TRIM67: variants seen among roughly 807,000 people sequenced by gnomAD.
The protein encoded by TRIM67 is tripartite motif containing 67.
Under a neutral mutation model 71.0 loss-of-function variants are expected in TRIM67, and 39 were observed. That is an observed-to-expected ratio of 0.55 (90% CI 0.43 to 0.72). TRIM67 has a LOEUF of 0.72. Ranked by LOEUF, TRIM67 falls within the 30% of genes least tolerant of loss-of-function variation. The pLI is 0.00. For missense variants in TRIM67, 973 were observed against 1,079.2 expected (o/e 0.90, Z 1.38); for synonymous variants, 481 against 473.9 (o/e 1.01, Z -0.19).
intron 1 of TRIM67, among the ~76,000 whole-genome samples, chr1:231,179,491 G>A (rs930780426): frequency 3.3e-5 from 5 of 152,176 alleles, no homozygotes; most frequent in Admixed American, 1.3e-4. Flanking sequence ...TATAACACAC[G>A]AAAACATTAA....
chr1:231,211,943 T>A (rs1683884178), intron 8 of TRIM67, among the ~76,000 whole-genome samples: 1 of 152,182 alleles, frequency 6.6e-6, no homozygotes, highest in South Asian at 2.1e-4. Context: ...GGGCATGGTG[T>A]GTGCCTGTAG....
chr1:231,166,470 A>G (rs895521933), intron 1 of TRIM67, among the ~76,000 whole-genome samples: 10 of 152,226 alleles, frequency 6.6e-5, no homozygotes, highest in Non-Finnish European at 1.5e-4. Context: ...CTTTTGAAAG[A>G]CAAACTAGAA....
chr1:231,215,279 A>G, intron 9 of TRIM67, 96 bp from the exon 10 acceptor site: 2 of 1,500,986 alleles, frequency 1.3e-6, no homozygotes, highest in Non-Finnish European at 1.8e-6. Flanking sequence ...CCCTGGAGCC[A>G]GCAGGGGATC....
At chr1:231,215,243 G>A in intron 9 of TRIM67, 132 bp from the exon 10 acceptor site, 1 of 1,344,240 alleles carries the variant, frequency 7.4e-7, no homozygotes. Context: ...ACAGTCCACA[G>A]CAGCCCTGAG....
Position 231,199,177 on chromosome 1 carries a change from C to T in TRIM67, c.1263+8C>T, listed in dbSNP as rs1683454404. The T allele has an allele frequency of 1.2e-6, 2 of 1,613,752 alleles. No homozygotes were observed. The highest frequency in any genetic ancestry group is 1.1e-5 in the South Asian group (1 of 91,062). On this transcript the variant is annotated splice_region_variant and intron_variant, in intron 3 of 9. Coordinates refer to ENST00000366653, the MANE Select transcript of TRIM67 (RefSeq NM_001004342.5). ...AGGGAACACAAGTTGAAGGTAGGTA[C>T]CTGGGGGACTGACACATTGAATCCC...
At chr1:231,202,625 C>T (rs1489834254) in intron 5 of TRIM67, among the ~76,000 whole-genome samples, 4 of 152,146 alleles carry the variant, frequency 2.6e-5, no homozygotes, top group African/African-American at 9.7e-5. Flanking sequence ...CTGAGGGCCA[C>T]ACTTGCAGAA....
chr1:231,185,964 G>A (rs1415324621), intron 1 of TRIM67: 1 of 828,506 alleles, frequency 1.2e-6, no homozygotes, highest in Non-Finnish European at 1.9e-6. Context: ...CCGGGACAAG[G>A]GCTCATAACT....
At position 231,216,650 on chromosome 1, in the gene TRIM67, T is replaced by C. The variant is rs756031307; in HGVS notation, c.*1210T>C. 40 of 985,408 alleles carry C rather than the reference T, an allele frequency of 4.1e-5. No homozygotes were observed. Among genetic ancestry groups the C allele is most frequent in the Non-Finnish European group, 4.8e-5 (40 of 830,014 alleles). The allele number at this position is 985,408 out of a possible 1,614,324, so 61.0% of individuals were successfully genotyped here. A position where few individuals can be genotyped will look rare whatever the true frequency, so the allele number is the denominator to read the frequency against. On this transcript the variant is annotated 3_prime_UTR_variant, in exon 10 of 10. Transcript: ENST00000366653. ...CGGGATCTCTGGGGAAGGCAGGAAA[T>C]AGAAGGGCAGTATCAGGTACCTTGT...
chr1:231,190,718 C>G (rs1412403697), intron 1 of TRIM67, among the ~76,000 whole-genome samples: 2 of 152,170 alleles, frequency 1.3e-5, no homozygotes, highest in Non-Finnish European at 2.9e-5. Flanking sequence ...GGCCTGGATC[C>G]TCAGGGCGGG....
Position 231,173,722 on chromosome 1 carries a change from G to A in TRIM67, c.1044+9709G>A, listed in dbSNP as rs117347784. The stretch of plus-strand genomic sequence containing the variant: ...TTGAATTTAATAGTAAGTGCTATGG[G>A]TAACCATCAGAAGGATTTAAGCTGG... On this transcript the variant is annotated intron_variant, in intron 1 of 9. Coordinates refer to ENST00000366653, the MANE Select transcript of TRIM67 (RefSeq NM_001004342.5). 2.2e-3 allele frequency among the ~76,000 whole-genome samples: 339 copies of A among 152,322 alleles called. 8 individuals carry two copies. In the East Asian group the frequency reaches 0.052, roughly 23 times the overall value.
At chr1:231,173,147 A>G (rs139262193) in intron 1 of TRIM67, among the ~76,000 whole-genome samples, 10 of 152,254 alleles carry the variant, frequency 6.6e-5, no homozygotes, top group African/African-American at 1.7e-4. Context: ...TCCTCAAAGA[A>G]CATAAATCTA....
intron 7 of TRIM67, among the ~76,000 whole-genome samples, chr1:231,207,446 T>C (rs1464591190): frequency 6.6e-6 from 1 of 152,174 alleles, no homozygotes; most frequent in Admixed American, 6.5e-5. Context: ...ATCATCTGAG[T>C]TCTTAGCAGA....
At chr1:231,183,762 A>G (rs745566300) in intron 1 of TRIM67, among the ~76,000 whole-genome samples, 6 of 152,140 alleles carry the variant, frequency 3.9e-5, no homozygotes, top group Non-Finnish European at 7.3e-5. Flanking sequence ...ACAGTTATTA[A>G]CTCACCTAAT....
intron 1 of TRIM67, among the ~76,000 whole-genome samples, chr1:231,181,365 T>C (rs1159537867): frequency 6.6e-6 from 1 of 152,230 alleles, no homozygotes; most frequent in Admixed American, 6.5e-5. Flanking sequence ...GCCTGAATCC[T>C]GAAATGCAGA....
At chr1:231,176,512 C>T (rs981836237) in intron 1 of TRIM67, among the ~76,000 whole-genome samples, 2 of 152,156 alleles carry the variant, frequency 1.3e-5, no homozygotes, top group African/African-American at 4.8e-5. Flanking sequence ...TACATCATTG[C>T]ATGAGGCATT....
intron 1 of TRIM67, among the ~76,000 whole-genome samples, chr1:231,173,171 G>C (rs994979149): frequency 6.6e-6 from 1 of 152,152 alleles, no homozygotes; most frequent in Non-Finnish European, 1.5e-5. Context: ...ACAAGAGAAA[G>C]AAAATTGACA....
chr1:231,183,155 A>G (rs1044035538), intron 1 of TRIM67, among the ~76,000 whole-genome samples: 4 of 152,226 alleles, frequency 2.6e-5, no homozygotes, highest in African/African-American at 9.6e-5. Context: ...CATCTCCACA[A>G]GCATGGACTA....
intron 1 of TRIM67, among the ~76,000 whole-genome samples, chr1:231,189,791 T>A (rs1683186888): frequency 6.6e-6 from 1 of 151,756 alleles, no homozygotes; most frequent in Non-Finnish European, 1.5e-5. Flanking sequence ...TGATACCACC[T>A]CTCCTGGGGT....
intron 1 of TRIM67, among the ~76,000 whole-genome samples, chr1:231,185,805 G>A (rs901974778): frequency 6.6e-5 from 10 of 151,912 alleles, no homozygotes; most frequent in South Asian, 2.1e-4. Flanking sequence ...GGCCACAGTC[G>A]GAGGTAAGCG....
Sources: gnomAD v4.1 joint callset for allele counts (sites outside exome capture counted in the v4.1 genomes callset) on GRCh38, gnomAD v4.1.1 for gene constraint, MANE v1.5 for transcripts, NCBI Gene and HGNC (gene_info 2026-07-23, HGNC 2026-07-21) for gene names.